The following EPRS1 variants were observed in gnomAD, a reference collection of about 807,000 sequenced individuals.
The protein encoded by EPRS1 is glutamyl-prolyl-tRNA synthetase 1.
Under a neutral mutation model 188.3 loss-of-function variants are expected in EPRS1, and 107 were observed. The observed-to-expected ratio is 0.57, with a 90% confidence interval of 0.49 to 0.67. The LOEUF is 0.67. Among genes scored for constraint, EPRS1 ranks in the 30% least tolerant of loss-of-function variants. The pLI is 0.00. For missense variants in EPRS1, 1,577 were observed against 1,802.2 expected, an observed-to-expected ratio of 0.88 and a Z score of 2.26; for synonymous variants, 596 against 593.1, an observed-to-expected ratio of 1.00 and a Z score of -0.07.
rs71169429 is a variant in EPRS1, at chr1:220,020,824, TTATATATATATATATATATATATA to T, written c.1116-627_1116-604del. Among the ~76,000 whole-genome samples, 919 of 109,268 alleles carry T rather than the reference TTATATATATATATATATATATATA, an allele frequency of 8.4e-3. 21 individuals are homozygous for T. Among genetic ancestry groups the T allele is most frequent in the African/African-American group, 0.026 (773 of 29,694 alleles). The allele number at this position is 109,268 out of a possible 152,430, so 71.7% of individuals were successfully genotyped here. The stretch of plus-strand genomic sequence containing the variant: ...ATTTACATGCAGTATCAATTTGAAT[TTATATATATATATATATATATATA>T]TATATATATATATATATATATATTA... On this transcript the variant is annotated intron_variant, in intron 9 of 31. Coordinates refer to ENST00000366923, the MANE Select transcript of EPRS1 (RefSeq NM_004446.3).
chr1:220,039,522 T>TG (rs1284639653), intron 2 of EPRS1, among the ~76,000 whole-genome samples: 1 of 38,476 alleles, frequency 2.6e-5, no homozygotes, highest in African/African-American at 7.2e-5. Flanking sequence ...TAATGCTGAT[T>TG]TTTTTTTTTT....
intron 13 of EPRS1, 77 bp from the exon 14 acceptor site, chr1:220,007,415 T>A: frequency 7.0e-7 from 1 of 1,427,732 alleles, no homozygotes; most frequent in Non-Finnish European, 9.6e-7. Context: ...ATACATTCAT[T>A]CTATTCTTTA....
intron 12 of EPRS1, among the ~76,000 whole-genome samples, chr1:220,014,580 T>C (rs1029241951): frequency 3.9e-5 from 6 of 152,232 alleles, no homozygotes; most frequent in Non-Finnish European, 5.9e-5. Context: ...CTCAGCAGTC[T>C]TCCCCCATTT....
At chr1:219,987,468 A>T in intron 19 of EPRS1, 64 bp from the exon 20 acceptor site, 1 of 1,307,384 alleles carries the variant, frequency 7.6e-7, no homozygotes, top group South Asian at 1.4e-5. Context: ...GTCTAAGCAC[A>T]CTTAAACAAA....
At chr1:219,984,578 G>C (rs1044225739) in intron 20 of EPRS1, among the ~76,000 whole-genome samples, 3 of 152,042 alleles carry the variant, frequency 2.0e-5, no homozygotes, top group African/African-American at 7.2e-5. Flanking sequence ...ACAACATCTG[G>C]CTTATTTTTT....
Position 220,032,420 on chromosome 1 carries a change from G to A in EPRS1, c.495C>T (p.Thr165=). The change falls in exon 5 of 32, where the codon ACC becomes ACT. Residue 165 remains threonine, a synonymous_variant. Coordinates refer to ENST00000366923, the MANE Select transcript of EPRS1 (RefSeq NM_004446.3). ...CTTTGGTTGTTGAAACATCCCACTT[G>A]GTACCTACTGACTGGAAGGCCTGCT... ...EAQQAFQSVG[T]KWDVSTTKAR... is the part of the protein sequence containing the mutation. 1.2e-6 allele frequency: 2 copies of A among 1,612,648 alleles called. No individual in the cohort carries two copies. Among genetic ancestry groups the A allele is most frequent in the South Asian group, 1.1e-5 (1 of 90,944 alleles).
intron 30 of EPRS1, 120 bp downstream of exon 30, chr1:219,971,949 G>A (rs1014500208): frequency 1.3e-5 from 6 of 459,660 alleles, no homozygotes; most frequent in Admixed American, 1.1e-4. Context: ...GTTGAGTAAT[G>A]TACTATCTTT....
Position 220,046,404 on chromosome 1 carries a change from G to T in EPRS1, c.-16C>A. 1 of 1,613,916 alleles carries T rather than the reference G, an allele frequency of 6.2e-7. No individual in the cohort carries two copies. Among genetic ancestry groups the T allele is most frequent in the Non-Finnish European group, 8.5e-7 (1 of 1,179,976 alleles). ...GCGTCGCCATCTCCACCAGTCCGCTGGTCCACCTGTCAGTACGCCTGGCTC... is the reference window on the plus strand; with the variant it reads ...GCGTCGCCATCTCCACCAGTCCGCTTGTCCACCTGTCAGTACGCCTGGCTC... On this transcript the variant is annotated 5_prime_UTR_variant, in exon 1 of 32. Coordinates refer to ENST00000366923, the MANE Select transcript of EPRS1 (RefSeq NM_004446.3).
intron 8 of EPRS1, 94 bp from the exon 9 acceptor site, chr1:220,022,612 G>A (rs1661899094): frequency 1.1e-5 from 11 of 1,028,832 alleles, no homozygotes; most frequent in Admixed American, 2.5e-5. Context: ...TCATGTTCTT[G>A]TTTTATAACC....
At chr1:219,995,041 T>C (rs770325470) in intron 18 of EPRS1, among the ~76,000 whole-genome samples, 5 of 152,172 alleles carry the variant, frequency 3.3e-5, no homozygotes, top group Non-Finnish European at 7.3e-5. Context: ...ATGAACAATA[T>C]TAAGACTTAC....
intron 2 of EPRS1, among the ~76,000 whole-genome samples, chr1:220,036,397 G>A (rs532026215): frequency 6.6e-6 from 1 of 152,072 alleles, no homozygotes; most frequent in African/African-American, 2.4e-5. Context: ...GTTCACTGCA[G>A]CGCTATTCAC....
chr1:220,032,662 T>A (rs2102596554), intron 4 of EPRS1, 136 bp from the exon 5 acceptor site: 1 of 829,240 alleles, frequency 1.2e-6, no homozygotes, highest in East Asian at 2.6e-5. Flanking sequence ...AATATCTGGA[T>A]ATACACTGAA....
chr1:220,002,808 A>C (rs6690280), intron 16 of EPRS1, among the ~76,000 whole-genome samples: 5,538 of 152,158 alleles, frequency 0.036, 303 homozygotes, highest in African/African-American at 0.12. Flanking sequence ...CGCTGCACTC[A>C]AGTCTGGGTG....
In EPRS1 at chr1:219,968,772, G is replaced by A. The variant is rs370451537; in HGVS notation, c.*34C>T. 26 of 1,605,024 alleles carry A rather than the reference G, an allele frequency of 1.6e-5. No homozygotes were observed. Among genetic ancestry groups the A allele is most frequent in the Non-Finnish European group, 2.1e-5 (25 of 1,172,148 alleles). On this transcript the variant is annotated 3_prime_UTR_variant, in exon 32 of 32. Coordinates refer to ENST00000366923, the MANE Select transcript of EPRS1 (RefSeq NM_004446.3). ...TACTAATATCAATGCTTTAAAAAGT[G>A]AGAGGAGTTGAAGAGGGGGCTTTCG...
In EPRS1 at chr1:220,025,180, C is replaced by T; in HGVS notation, c.702G>A (p.Met234Ile). Residue 234 changes from methionine (M) to isoleucine (I), a missense_variant, in exon 7 of 32, where the codon ATG becomes ATA. This residue lies in a region of EPRS1 where 1,278 missense variants were observed against 1,457.4 expected (regional missense o/e 0.88). Coordinates refer to ENST00000366923, the MANE Select transcript of EPRS1 (RefSeq NM_004446.3). ...TTTCAGGATTTGTGTCATCAAATCT[C>T]ATGATCAGTTTCCCTTTAAAGTTAA... ...YQVNFKGKLI[M>I]RFDDTNPEKE... The T allele has an allele frequency of 1.9e-6, 3 of 1,612,994 alleles. No homozygotes were observed. The highest frequency in any genetic ancestry group is 2.5e-6 in the Non-Finnish European group (3 of 1,179,136).
At chr1:220,007,121 A>G in intron 14 of EPRS1, 81 bp downstream of exon 14, 1 of 1,276,590 alleles carries the variant, frequency 7.8e-7, no homozygotes, top group East Asian at 2.5e-5. Flanking sequence ...TATGGGTCTG[A>G]ATTTGGTAAT....
chr1:219,979,948 G>C, intron 26 of EPRS1, 137 bp downstream of exon 26: 1 of 779,514 alleles, frequency 1.3e-6, no homozygotes, highest in Non-Finnish European at 2.1e-6. Context: ...GGATAGATTT[G>C]TTTGAAATTA....
At chr1:219,981,249 T>C (rs760093671) in intron 24 of EPRS1, 129 bp downstream of exon 24, 64 of 568,532 alleles carry the variant, frequency 1.1e-4, no homozygotes, top group Non-Finnish European at 1.7e-4. Context: ...AAAATTACAA[T>C]TTATCTTAAA....
At chr1:220,037,125 G>A (rs982807070) in intron 2 of EPRS1, among the ~76,000 whole-genome samples, 3 of 151,892 alleles carry the variant, frequency 2.0e-5, no homozygotes, top group African/African-American at 7.3e-5. Context: ...CCCAGGAGTT[G>A]GATGCTGTAG....
Sources: gnomAD v4.1 joint callset for allele counts (sites outside exome capture counted in the v4.1 genomes callset) on GRCh38, gnomAD v4.1.1 for gene constraint, gnomAD v4.1.1 regional missense constraint, MANE v1.5 for transcripts, NCBI Gene and HGNC (gene_info 2026-07-23, HGNC 2026-07-21) for gene names.